GRIN3A: variants seen among roughly 807,000 people sequenced by gnomAD.
GRIN3A encodes the protein glutamate receptor ionotropic, NMDA 3A.
A neutral mutation model predicts 92.4 loss-of-function variants in GRIN3A; 47 were observed. The ratio of observed to expected loss-of-function variants is 0.51; its 90% CI spans 0.40 to 0.65. The LOEUF (loss-of-function observed/expected upper bound fraction) is 0.65, where lower values mean the gene tolerates loss of function less well. GRIN3A is among the 30% of genes least tolerant of loss of function. The probability of loss-of-function intolerance (pLI) is 0.00; values close to 1 mark genes in which losing one functional copy is unlikely to be tolerated. For missense variants in GRIN3A, 1,324 were observed against 1,393.1 expected (o/e 0.95, Z 0.79); for synonymous variants, 527 against 540.6 (o/e 0.97, Z 0.35).
chr9:101,690,983 G>T (rs1829609120), intron 1 of GRIN3A, among the ~76,000 whole-genome samples: 1 of 151,672 alleles, frequency 6.6e-6, no homozygotes, highest in African/African-American at 2.4e-5. Context: ...TAGACCAAAA[G>T]GTAAATATGT....
chr9:101,577,397 C>A lies in GRIN3A; in HGVS notation c.3008+371G>T, dbSNP rs1827839122. Among the ~76,000 whole-genome samples, 4 of 152,156 alleles carry A rather than the reference C, an allele frequency of 2.6e-5. No individual in the cohort carries two copies. In the South Asian group the frequency reaches 8.3e-4, roughly 31 times the overall value. On this transcript the variant is annotated intron_variant, in intron 8 of 8. Transcript: ENST00000361820. ...TCATTCAGAGATGTACATGTATGAT[C>A]TTATTTAATCTTTACAACAACTCTA...
rs183017365 is a variant in GRIN3A, at chr9:101,714,260, T to C, written c.699+23021A>G. 2.1e-3 allele frequency among the ~76,000 whole-genome samples: 323 copies of C among 152,180 alleles called. 1 individual carries two copies. The highest frequency in any genetic ancestry group is 7.3e-3 in the African/African-American group (303 of 41,528). ...AACATGAAAAATTCACTAGAGAACA[T>C]GCTGAGATAGACAATAATAGGATGG... On this transcript the variant is annotated intron_variant, in intron 1 of 8. Coordinates refer to ENST00000361820, the MANE Select transcript of GRIN3A (RefSeq NM_133445.3).
intron 6 of GRIN3A, chr9:101,592,870 T>C (rs923212409): frequency 1.3e-5 from 2 of 152,074 alleles, no homozygotes; most frequent in Non-Finnish European, 2.9e-5. Context: ...ACCTGAGTGG[T>C]ATCTCTTGGC....
At chr9:101,725,288 T>A (rs959784715) in intron 1 of GRIN3A, among the ~76,000 whole-genome samples, 13 of 152,196 alleles carry the variant, frequency 8.5e-5, no homozygotes, top group Admixed American at 2.6e-4. Context: ...TTAAGAAAAT[T>A]TATCTAGCAG....
intron 3 of GRIN3A, among the ~76,000 whole-genome samples, chr9:101,635,698 T>G (rs1828775975): frequency 6.6e-6 from 1 of 152,228 alleles, no homozygotes; most frequent in Non-Finnish European, 1.5e-5. Flanking sequence ...AGGTCTTGAC[T>G]ACTGCAGCTC....
chr9:101,733,104 C>T (rs1037051266), intron 1 of GRIN3A, among the ~76,000 whole-genome samples: 10 of 152,118 alleles, frequency 6.6e-5, no homozygotes, highest in South Asian at 2.1e-4. Flanking sequence ...AGATAAAACA[C>T]GAGGAATTAG....
chr9:101,632,904 T>C (rs1471798534), intron 3 of GRIN3A, among the ~76,000 whole-genome samples: 1 of 152,212 alleles, frequency 6.6e-6, no homozygotes, highest in Non-Finnish European at 1.5e-5. Flanking sequence ...GAAGCATTTC[T>C]TTAAAGTTTC....
chr9:101,594,898 C>T lies in GRIN3A; in HGVS notation c.2767-15538G>A, dbSNP rs367897972. On this transcript the variant is annotated intron_variant, in intron 6 of 8. Coordinates refer to ENST00000361820, the MANE Select transcript of GRIN3A (RefSeq NM_133445.3). ...TGTCAAAGTGGGAGCACATCTCCGC[C>T]GGGTAACTGGCCTCGTTTCCCATTG... 8 of 1,599,906 alleles carry T rather than the reference C, an allele frequency of 5.0e-6. No homozygotes were observed. The African/African-American group carries it at 8.0e-5, about 16-fold the overall frequency.
intron 1 of GRIN3A, among the ~76,000 whole-genome samples, chr9:101,724,374 T>G (rs1830056856): frequency 1.3e-5 from 2 of 151,878 alleles, no homozygotes; most frequent in South Asian, 4.2e-4. Context: ...AGCCCCTCAT[T>G]GCCCAGGGCC....
At chr9:101,590,562 A>AT (rs1828010412) in intron 6 of GRIN3A, among the ~76,000 whole-genome samples, 1 of 151,734 alleles carries the variant, frequency 6.6e-6, no homozygotes, top group African/African-American at 2.4e-5. Context: ...TTGTATTTTT[A>AT]GTAGAGATGG....
chr9:101,612,376 T>A (rs973225596), intron 6 of GRIN3A, among the ~76,000 whole-genome samples: 5 of 152,288 alleles, frequency 3.3e-5, no homozygotes, highest in African/African-American at 1.2e-4. Context: ...TACCAAGATG[T>A]GAGGCACAGG....
rs777861228 is a variant in GRIN3A at position 101,670,544 on chromosome 9, C to A, written c.1868G>T (p.Gly623Val). Residue 623 changes from glycine (G) to valine (V), a missense_variant, in exon 3 of 9, where the codon GGG becomes GTG. Transcript: ENST00000361820. Reference sequence around the variant, plus strand: ...GGAAGTGACTGCCATGTGGGCAGTCCCTCTCAGGAGATCACCCACTAGCCC... The same window carrying A: ...GGAAGTGACTGCCATGTGGGCAGTCACTCTCAGGAGATCACCCACTAGCCC... ...WTGLVGDLLR[G>V]TAHMAVTSFS... The A allele has an allele frequency of 6.2e-7, 1 of 1,613,836 alleles. No individual in the cohort carries two copies.
rs779191700 is a variant in GRIN3A, at chr9:101,738,011, C to G, written c.-32G>C. 6.6e-7 allele frequency: 1 copy of G among 1,514,188 alleles called. No individual in the cohort carries two copies. The highest frequency in any genetic ancestry group is 1.2e-5 in the South Asian group (1 of 83,554). The allele number at this position is 1,514,188 out of a possible 1,614,324, so 93.8% of individuals were successfully genotyped here. On this transcript the variant is annotated 5_prime_UTR_variant, in exon 1 of 9. Coordinates refer to ENST00000361820, the MANE Select transcript of GRIN3A (RefSeq NM_133445.3). ...GACCCGCAGGGAGAAAGCGCGCCCC[C>G]TCCTGCGCCCGGCTCGCCCCTCTGC...
intron 1 of GRIN3A, among the ~76,000 whole-genome samples, chr9:101,689,619 G>A (rs2118983482): frequency 6.6e-6 from 1 of 152,176 alleles, no homozygotes; most frequent in South Asian, 2.1e-4. Flanking sequence ...TTAAATGATA[G>A]TTTAGAAGCA....
chr9:101,718,878 T>G (rs1829976800), intron 1 of GRIN3A, among the ~76,000 whole-genome samples: 3 of 152,192 alleles, frequency 2.0e-5, no homozygotes, highest in Admixed American at 2.0e-4. Flanking sequence ...TATAGTTAAT[T>G]TCTATTTATG....
intron 1 of GRIN3A, among the ~76,000 whole-genome samples, chr9:101,692,234 G>C (rs183043517): frequency 6.6e-6 from 1 of 152,240 alleles, no homozygotes; most frequent in African/African-American, 2.4e-5. Flanking sequence ...GGGAGAGGCT[G>C]TTTATTTGGG....
rs974736830 is a variant in GRIN3A at position 101,610,797 on chromosome 9, G to A, written c.2766+2579C>T. 2.6e-5 allele frequency among the ~76,000 whole-genome samples: 4 copies of A among 152,016 alleles called. No homozygotes were observed. In the East Asian group the frequency reaches 7.7e-4, roughly 29 times the overall value. ...GATGGAGTATTTGAGGAAGAGGCTGGCTTAAAACAACAGAAATTTAGCCAG... is the reference window on the plus strand; with the variant it reads ...GATGGAGTATTTGAGGAAGAGGCTGACTTAAAACAACAGAAATTTAGCCAG... On this transcript the variant is annotated intron_variant, in intron 6 of 8. Transcript: ENST00000361820.
At position 101,687,193 on chromosome 9, in the gene GRIN3A, A is replaced by C. The variant is rs1409463566; in HGVS notation, c.707T>G (p.Leu236Arg). 2 of 1,613,724 alleles carry C rather than the reference A, an allele frequency of 1.2e-6. No homozygotes were observed. The highest frequency in any genetic ancestry group is 2.7e-5 in the African/African-American group (2 of 74,932). Reference sequence around the variant, plus strand: ...ATTTTCTAAACTCAGTTGTAGGTGAAGGGGATTCTGTATTTAAAGATATGA... The same window carrying C: ...ATTTTCTAAACTCAGTTGTAGGTGACGGGGATTCTGTATTTAAAGATATGA... ...HEFPRESQNP[L>R]HLQLSLENSL... Residue 236 changes from leucine to arginine, a missense_variant, in exon 2 of 9, where the codon CTT becomes CGT. By Grantham distance (102) the Leu-to-Arg change is moderately radical (BLOSUM62 -2). Coordinates refer to ENST00000361820, the MANE Select transcript of GRIN3A (RefSeq NM_133445.3).
chr9:101,722,627 G>A (rs1450175545), intron 1 of GRIN3A, among the ~76,000 whole-genome samples: 2 of 152,158 alleles, frequency 1.3e-5, no homozygotes, highest in Admixed American at 6.5e-5. Context: ...TTGTATCAGC[G>A]GTACCTAGAT....
Sources: allele counts gnomAD v4.1 joint callset (sites outside exome capture counted in the v4.1 genomes callset), GRCh38; gene constraint gnomAD v4.1.1; transcripts MANE v1.5; gene names NCBI Gene and HGNC (gene_info 2026-07-23, HGNC 2026-07-21).